The following FCF1 variants were observed in gnomAD, a reference collection of about 807,000 sequenced individuals.
FCF1 encodes rRNA-processing protein FCF1 homolog.
In FCF1, 17 loss-of-function variants were observed where a neutral mutation model predicts 32.5. That is an observed-to-expected ratio of 0.52 (90% CI 0.36 to 0.78). FCF1 has a LOEUF of 0.78. FCF1 is among the 30% of genes least tolerant of loss of function. The probability of loss-of-function intolerance (pLI) is 0.00; values close to 1 mark genes in which losing one functional copy is unlikely to be tolerated. For missense variants in FCF1, 201 were observed against 241.1 expected (o/e 0.83, Z 1.10); for synonymous variants, 84 against 78.4 (o/e 1.07, Z -0.38).
At chr14:74,713,303 A>G (rs2090358000) in intron 1 of FCF1, 103 bp downstream of exon 1, 1 of 1,611,756 alleles carries the variant, frequency 6.2e-7, no homozygotes, top group African/African-American at 1.3e-5. Flanking sequence ...ATCCTAGCAT[A>G]TTTTCATTCT....
At chr14:74,730,206 C>CTTT (rs869067896) in intron 5 of FCF1, among the ~76,000 whole-genome samples, 4 of 109,384 alleles carry the variant, frequency 3.7e-5, no homozygotes, top group Non-Finnish European at 5.6e-5. Flanking sequence ...TGTGTATATG[C>CTTT]TTTTTTTTTT....
chr14:74,732,871 C>A, intron 6 of FCF1, 53 bp downstream of exon 6: 5 of 1,000,756 alleles, frequency 5.0e-6, no homozygotes, highest in South Asian at 1.4e-5. Flanking sequence ...AAAATGTAAA[C>A]TATTATCTCC....
rs1259970447 is a variant in FCF1 at position 74,720,771 on chromosome 14, T to C, written c.293-2501T>C. Among the ~76,000 whole-genome samples the C allele has an allele frequency of 2.6e-5, 4 of 152,272 alleles. No individual in the cohort carries two copies. The East Asian group carries it at 7.7e-4, about 29-fold the overall frequency. ...CTCAAGTGATCCTGCAGCCACAGCC[T>C]CCCAAGTAGCTGAGACTACTGGAAA... On this transcript the variant is annotated intron_variant, in intron 4 of 7. Transcript: ENST00000341162.
chr14:74,730,055 G>A (rs2090614466), intron 5 of FCF1, among the ~76,000 whole-genome samples: 1 of 151,926 alleles, frequency 6.6e-6, no homozygotes. Flanking sequence ...GGTGTGGTGT[G>A]GTGCTGAAAA....
At chr14:74,730,678 C>T (rs916639582) in intron 5 of FCF1, among the ~76,000 whole-genome samples, 6 of 152,170 alleles carry the variant, frequency 3.9e-5, no homozygotes, top group Non-Finnish European at 4.4e-5. Flanking sequence ...CATGCCACTG[C>T]ATCCAGCCTA....
At chr14:74,729,312 C>T (rs890996127) in intron 5 of FCF1, among the ~76,000 whole-genome samples, 8 of 151,910 alleles carry the variant, frequency 5.3e-5, no homozygotes, top group African/African-American at 1.9e-4. Context: ...GATTCAACTT[C>T]TTCCTGGTTT....
In FCF1 at chr14:74,737,569, T is replaced by C. The variant is rs905332880; in HGVS notation, c.*2639T>C. 2 of 152,206 alleles carry C rather than the reference T, an allele frequency of 1.3e-5. No homozygotes were observed. Among genetic ancestry groups the C allele is most frequent in the African/African-American group, 4.8e-5 (2 of 41,440 alleles). 9.4% of individuals were successfully genotyped at this position (152,206 alleles called of 1,614,324 possible). On this transcript the variant is annotated 3_prime_UTR_variant, in exon 8 of 8. Transcript: ENST00000341162. ...TGCCTTCCTTGTTTCCTCTTTAAAG[T>C]GTTTAATCCGCAAAACAAACCTGAT...
At position 74,737,499 on chromosome 14, in the gene FCF1, C is replaced by T. The variant is rs913575190; in HGVS notation, c.*2569C>T. On this transcript the variant is annotated 3_prime_UTR_variant, in exon 8 of 8. Coordinates refer to ENST00000341162, the MANE Select transcript of FCF1 (RefSeq NM_015962.5). ...TGTTAGTGTTAGAATACTAATTCCA[C>T]CAGTTAATATCTGTATGAGTTGGAC... is the stretch of plus-strand genomic sequence containing the variant. 3 of 152,208 alleles carry T rather than the reference C, an allele frequency of 2.0e-5. No individual in the cohort carries two copies. The highest frequency in any genetic ancestry group is 6.5e-5 in the Admixed American group (1 of 15,268). 9.4% of individuals were successfully genotyped at this position (152,208 alleles called of 1,614,324 possible). A position where few individuals can be genotyped will look rare whatever the true frequency, so the allele number is the denominator to read the frequency against.
At chr14:74,723,048 T>C (rs1045315344) in intron 4 of FCF1, among the ~76,000 whole-genome samples, 2 of 152,222 alleles carry the variant, frequency 1.3e-5, no homozygotes, top group Non-Finnish European at 2.9e-5. Context: ...TTAGTTTTTT[T>C]TCCCCAGATA....
Position 74,725,052 on chromosome 14 carries a change from C to T in FCF1, c.365+1708C>T, listed in dbSNP as rs79847258. Among the ~76,000 whole-genome samples the T allele has an allele frequency of 8.4e-4, 125 of 148,620 alleles. No individual in the cohort carries two copies. In the East Asian group the frequency reaches 0.021, roughly 25 times the overall value. ...ACTGTACGCTAGATAAAATCTATCT[C>T]GTGCTATGGGTTCTGGTAAAAAAAA... On this transcript the variant is annotated intron_variant, in intron 5 of 7. Transcript: ENST00000341162.
Position 74,738,259 on chromosome 14 carries a change from T to C in FCF1, c.*3329T>C, listed in dbSNP as rs2090724487. 6.6e-6 allele frequency: 1 copy of C among 152,102 alleles called. No individual in the cohort carries two copies. Among genetic ancestry groups the C allele is most frequent in the African/African-American group, 2.4e-5 (1 of 41,440 alleles). 9.4% of individuals were successfully genotyped at this position (152,102 alleles called of 1,614,324 possible). On this transcript the variant is annotated 3_prime_UTR_variant, in exon 8 of 8. Coordinates refer to ENST00000341162, the MANE Select transcript of FCF1 (RefSeq NM_015962.5). Reference sequence around the variant, plus strand: ...ATGGGATTTTGCCTTATTGCCCACCTTGGCCTTCTAAAGTATTGGGATTAT... The same window carrying C: ...ATGGGATTTTGCCTTATTGCCCACCCTGGCCTTCTAAAGTATTGGGATTAT...
chr14:74,730,418 A>G (rs187881360), intron 5 of FCF1, among the ~76,000 whole-genome samples: 1 of 151,860 alleles, frequency 6.6e-6, no homozygotes, highest in Admixed American at 6.6e-5. Context: ...TTAAAAAAAA[A>G]TTTTTTTGGT....
rs371624600 is a variant in FCF1, at chr14:74,713,191, C to T, written c.-7C>T. The T allele has an allele frequency of 5.0e-6, 8 of 1,614,020 alleles. No individual in the cohort carries two copies. Among genetic ancestry groups the T allele is most frequent in the Admixed American group, 1.7e-5 (1 of 60,000 alleles). On this transcript the variant is annotated 5_prime_UTR_variant, in exon 1 of 8. Transcript: ENST00000341162. ...GATTACGGAAGAACCAGGAGTTTGG[C>T]GTGACCATGGTGAGAGAAGACGGTC...
Position 74,735,554 on chromosome 14 carries a change from G to A in FCF1, c.*624G>A, listed in dbSNP as rs2090695664. ...TTTGCCTTACTATGAGCTGAGGGTA[G>A]TTCAATATGCTCACTCTTTTTTTTT... On this transcript the variant is annotated 3_prime_UTR_variant, in exon 8 of 8. Coordinates refer to ENST00000341162, the MANE Select transcript of FCF1 (RefSeq NM_015962.5). The A allele has an allele frequency of 6.6e-6, 1 of 151,304 alleles. No individual in the cohort carries two copies. Among genetic ancestry groups the A allele is most frequent in the African/African-American group, 2.4e-5 (1 of 41,182 alleles). 9.4% of individuals were successfully genotyped at this position (151,304 alleles called of 1,614,324 possible).
At chr14:74,732,265 C>A (rs1329547359) in intron 5 of FCF1, among the ~76,000 whole-genome samples, 1 of 152,054 alleles carries the variant, frequency 6.6e-6, no homozygotes, top group Non-Finnish European at 1.5e-5. Context: ...AGGATAAGGG[C>A]ACCAAAATGG....
chr14:74,722,049 T>C (rs1018521671), intron 4 of FCF1, among the ~76,000 whole-genome samples: 6 of 146,706 alleles, frequency 4.1e-5, no homozygotes, highest in Admixed American at 4.1e-4. Context: ...GGTATTTTCT[T>C]TTTTTTTTTT....
chr14:74,722,522 TA>T (rs751959087), intron 4 of FCF1, among the ~76,000 whole-genome samples: 5 of 152,260 alleles, frequency 3.3e-5, no homozygotes, highest in African/African-American at 7.2e-5. Flanking sequence ...GATTTTTTTT[TA>T]AACTATTATA....
intron 4 of FCF1, among the ~76,000 whole-genome samples, chr14:74,717,935 C>T (rs1309227424): frequency 1.3e-5 from 2 of 152,102 alleles, no homozygotes; most frequent in African/African-American, 2.4e-5. Flanking sequence ...AGTGCGTTGG[C>T]GTGATCTCAG....
chr14:74,721,498 C>A (rs111558059), intron 4 of FCF1, among the ~76,000 whole-genome samples: 32 of 152,200 alleles, frequency 2.1e-4, no homozygotes, highest in African/African-American at 7.7e-4. Context: ...GTCAGGAGTT[C>A]GAAACCAGCC....
Sources: gnomAD v4.1 joint callset for allele counts (sites outside exome capture counted in the v4.1 genomes callset) on GRCh38, gnomAD v4.1.1 for gene constraint, MANE v1.5 for transcripts, NCBI Gene and HGNC (gene_info 2026-07-23, HGNC 2026-07-21) for gene names.